PGPEP1: variants seen among roughly 807,000 people sequenced by gnomAD.
PGPEP1 encodes the protein pyroglutamyl-peptidase I.
Under a neutral mutation model 24.1 loss-of-function variants are expected in PGPEP1, and 15 were observed. The observed-to-expected ratio is 0.62, with a 90% confidence interval of 0.42 to 0.96. The LOEUF is 0.96. Ranked by LOEUF, PGPEP1 falls within the 40% of genes least tolerant of loss-of-function variation. PGPEP1 has a pLI of 0.00. For missense variants in PGPEP1, 242 were observed against 273.4 expected (o/e 0.89, Z 0.81); for synonymous variants, 122 against 116.4 (o/e 1.05, Z -0.31).
At chr19:18,359,518 T>C (rs1427477268) in intron 4 of PGPEP1, among the ~76,000 whole-genome samples, 2 of 151,414 alleles carry the variant, frequency 1.3e-5, no homozygotes, top group Admixed American at 6.6e-5. Context: ...CTTTTTTTTT[T>C]TTTTTTTGAG....
intron 4 of PGPEP1, among the ~76,000 whole-genome samples, chr19:18,360,004 A>G (rs1953583488): frequency 1.3e-5 from 2 of 152,074 alleles, no homozygotes; most frequent in African/African-American, 4.8e-5. Context: ...TGGATTTACC[A>G]TCAGGATTTT....
In PGPEP1 at chr19:18,340,624, C is replaced by T. The variant is rs1243239200; in HGVS notation, c.-58C>T. The T allele has an allele frequency of 5.4e-6, 8 of 1,476,768 alleles. No individual in the cohort carries two copies. The highest frequency in any genetic ancestry group is 1.3e-5 in the South Asian group (1 of 78,888). The allele number at this position is 1,476,768 out of a possible 1,614,324, so 91.5% of individuals were successfully genotyped here. A position where few individuals can be genotyped will look rare whatever the true frequency, so the allele number is the denominator to read the frequency against. ...TCGCGCGGCCGAGAGGCTGCAGCGG[C>T]AGCAGCTGTCGCGCCAGTCGCAACA... On this transcript the variant is annotated 5_prime_UTR_variant, in exon 1 of 5. Transcript: ENST00000269919.
intron 3 of PGPEP1, 149 bp from the exon 4 acceptor site, chr19:18,357,234 C>T (rs1971208842): frequency 3.2e-6 from 2 of 615,456 alleles, no homozygotes; most frequent in South Asian, 3.9e-5. Context: ...CCAAGAGTGA[C>T]TGCAGGGTCT....
chr19:18,361,500 G>A (rs1477337347), intron 4 of PGPEP1, among the ~76,000 whole-genome samples: 1 of 151,736 alleles, frequency 6.6e-6, no homozygotes, highest in East Asian at 1.9e-4. Flanking sequence ...GCCCAGGCTG[G>A]TCTCGAACTC....
At chr19:18,357,651 C>T (rs961577748) in intron 4 of PGPEP1, 36 bp downstream of exon 4, 17 of 1,423,486 alleles carry the variant, frequency 1.2e-5, no homozygotes, top group Non-Finnish European at 1.7e-5. Context: ...GTGGGGATTT[C>T]CCTCCTCCAC....
chr19:18,356,112 A>G, intron 3 of PGPEP1, 101 bp downstream of exon 3: 1 of 737,066 alleles, frequency 1.4e-6, no homozygotes, highest in South Asian at 1.4e-5. Flanking sequence ...AGATCACGTG[A>G]CCAATGCCAT....
intron 2 of PGPEP1, among the ~76,000 whole-genome samples, chr19:18,345,030 C>T (rs988586291): frequency 3.9e-5 from 6 of 151,928 alleles, no homozygotes; most frequent in Admixed American, 2.0e-4. Flanking sequence ...GACACAGTTT[C>T]GTTCTTGTTG....
rs1284245467 is a variant in PGPEP1, at chr19:18,368,271, C to T, written c.*4688C>T. On this transcript the variant is annotated 3_prime_UTR_variant, in exon 5 of 5. Transcript: ENST00000269919. The stretch of plus-strand genomic sequence containing the variant: ...TGGCCAACATAGCAAAACCCCATCT[C>T]TACTAAAAATACAAAAATTAGTCAA... 1 of 152,150 alleles carries T rather than the reference C, an allele frequency of 6.6e-6. No homozygotes were observed. Among genetic ancestry groups the T allele is most frequent in the East Asian group, 1.9e-4 (1 of 5,192 alleles). The allele number at this position is 152,150 out of a possible 1,614,324, so 9.4% of individuals were successfully genotyped here.
At chr19:18,347,867 C>T (rs1970898316) in intron 2 of PGPEP1, among the ~76,000 whole-genome samples, 1 of 151,956 alleles carries the variant, frequency 6.6e-6, no homozygotes, top group Non-Finnish European at 1.5e-5. Flanking sequence ...CTCCTGACCT[C>T]GTGATCCGCC....
chr19:18,366,853 C>T lies in PGPEP1; in HGVS notation c.*3270C>T, dbSNP rs1971565632. On this transcript the variant is annotated 3_prime_UTR_variant, in exon 5 of 5. Transcript: ENST00000269919. Reference sequence around the variant, plus strand: ...TTTTTCCACCTTTGTTGGGTCTTGGCTTAAAATATCCTCATGTGGGCTAGG... The same window carrying T: ...TTTTTCCACCTTTGTTGGGTCTTGGTTTAAAATATCCTCATGTGGGCTAGG... 1 of 151,948 alleles carries T rather than the reference C, an allele frequency of 6.6e-6. No individual in the cohort carries two copies. The highest frequency in any genetic ancestry group is 1.9e-4 in the East Asian group (1 of 5,182). The allele number at this position is 151,948 out of a possible 1,614,324, so 9.4% of individuals were successfully genotyped here.
intron 1 of PGPEP1, among the ~76,000 whole-genome samples, chr19:18,341,531 CTGT>C (rs1462909449): frequency 2.0e-5 from 3 of 152,046 alleles, no homozygotes; most frequent in African/African-American, 7.2e-5. Flanking sequence ...TGTTTTGTGG[CTGT>C]TGAAGGGAGA....
At position 18,355,976 on chromosome 19, in the gene PGPEP1, C is replaced by T. The variant is rs1233856772; in HGVS notation, c.169C>T (p.Leu57Phe). 13 of 1,613,050 alleles carry T rather than the reference C, an allele frequency of 8.1e-6. No homozygotes were observed. The highest frequency in any genetic ancestry group is 1.1e-5 in the Non-Finnish European group (13 of 1,179,050). The change falls in exon 3 of 5, where the codon CTC (leucine) becomes TTC (phenylalanine). Residue 57 changes from leucine (L) to phenylalanine (F), a missense_variant. Physicochemically the swap from Leu to Phe is conservative, Grantham distance 22. Coordinates refer to ENST00000269919, the MANE Select transcript of PGPEP1 (RefSeq NM_017712.4). Reference protein sequence around the residue: ...IPVEYQTVQRLIPALWEKHSP... With the variant: ...IPVEYQTVQRFIPALWEKHSP... ...GGTTGAGTACCAAACAGTCCAGAGA[C>T]TCATCCCCGCCCTGTGGGAGAAGCA... is the stretch of plus-strand genomic sequence containing the variant.
intron 2 of PGPEP1, among the ~76,000 whole-genome samples, chr19:18,344,820 G>A (rs1457903627): frequency 2.0e-5 from 3 of 151,934 alleles, no homozygotes; most frequent in Non-Finnish European, 4.4e-5. Context: ...TGAATTCCTG[G>A]GCCCCAGACA....
intron 2 of PGPEP1, among the ~76,000 whole-genome samples, chr19:18,353,253 C>A (rs7250410): frequency 3.3e-5 from 5 of 150,926 alleles, no homozygotes; most frequent in African/African-American, 1.2e-4. Flanking sequence ...GGCCTTGCCC[C>A]GTTGCCCAGG....
At chr19:18,362,224 T>C (rs1971364322) in intron 4 of PGPEP1, among the ~76,000 whole-genome samples, 1 of 151,370 alleles carries the variant, frequency 6.6e-6, no homozygotes, top group South Asian at 2.1e-4. Context: ...CTAGCCAACA[T>C]GGTGAAACCC....
intron 2 of PGPEP1, among the ~76,000 whole-genome samples, chr19:18,344,151 T>C (rs955731827): frequency 9.8e-5 from 10 of 101,548 alleles, no homozygotes; most frequent in South Asian, 4.3e-4. Flanking sequence ...CAGGGGAACA[T>C]ATCTTGACCT....
At position 18,340,634 on chromosome 19, in the gene PGPEP1, C is replaced by A. The variant is rs749873442; in HGVS notation, c.-48C>A. The A allele has an allele frequency of 1.3e-6, 2 of 1,497,228 alleles. No individual in the cohort carries two copies. The highest frequency in any genetic ancestry group is 1.8e-6 in the Non-Finnish European group (2 of 1,122,334). The allele number at this position is 1,497,228 out of a possible 1,614,324, so 92.7% of individuals were successfully genotyped here. On this transcript the variant is annotated 5_prime_UTR_variant, in exon 1 of 5. Coordinates refer to ENST00000269919, the MANE Select transcript of PGPEP1 (RefSeq NM_017712.4). ...GAGAGGCTGCAGCGGCAGCAGCTGT[C>A]GCGCCAGTCGCAACAGAAGCAGGTC...
At position 18,368,349 on chromosome 19, in the gene PGPEP1, G is replaced by C. The variant is rs1050987628; in HGVS notation, c.*4766G>C. On this transcript the variant is annotated 3_prime_UTR_variant, in exon 5 of 5. Transcript: ENST00000269919. ...AGCTACCTGGGAGGCTGAGACAGGA[G>C]AATTGCTTGAACCTGGGAGGCAGAG... is the stretch of plus-strand genomic sequence containing the variant. The C allele has an allele frequency of 2.6e-5, 4 of 151,238 alleles. No individual in the cohort carries two copies. The highest frequency in any genetic ancestry group is 2.0e-4 in the Admixed American group (3 of 15,092). The allele number at this position is 151,238 out of a possible 1,614,324, so 9.4% of individuals were successfully genotyped here.
chr19:18,349,579 T>C (rs1210743448), intron 2 of PGPEP1, among the ~76,000 whole-genome samples: 1 of 152,228 alleles, frequency 6.6e-6, no homozygotes, highest in South Asian at 2.1e-4. Context: ...TCTGTTGATA[T>C]GGGACTATGG....
Sources: allele counts gnomAD v4.1 joint callset (sites outside exome capture counted in the v4.1 genomes callset), GRCh38; gene constraint gnomAD v4.1.1; transcripts MANE v1.5; gene names NCBI Gene and HGNC (gene_info 2026-07-23, HGNC 2026-07-21).